The following JCAD variants were observed in gnomAD, a reference collection of about 807,000 sequenced individuals.
JCAD encodes the protein junctional cadherin 5-associated protein.
Under a neutral mutation model 98.0 loss-of-function variants are expected in JCAD, and 40 were observed. That is an observed-to-expected ratio of 0.41 (90% CI 0.32 to 0.53). The LOEUF (loss-of-function observed/expected upper bound fraction) is 0.53, where lower values mean the gene tolerates loss of function less well. Ranked by LOEUF, JCAD falls within the 20% of genes least tolerant of loss-of-function variation. The probability of loss-of-function intolerance (pLI) is 0.31; values close to 1 mark genes in which losing one functional copy is unlikely to be tolerated. For missense variants in JCAD, 1,705 were observed against 1,738.1 expected, an observed-to-expected ratio of 0.98 and a Z score of 0.34; for synonymous variants, 691 against 682.3, an observed-to-expected ratio of 1.01 and a Z score of -0.20.
intron 2 of JCAD, among the ~76,000 whole-genome samples, chr10:30,066,414 GT>G (rs1837785295): frequency 1.3e-5 from 2 of 152,268 alleles, no homozygotes; most frequent in South Asian, 4.2e-4. Context: ...TACACTCACC[GT>G]AGCAAAGAGC....
intron 1 of JCAD, among the ~76,000 whole-genome samples, chr10:30,076,475 T>G (rs1043485295): frequency 6.6e-6 from 1 of 152,204 alleles, no homozygotes; most frequent in African/African-American, 2.4e-5. Context: ...CATTGTCTTT[T>G]TTTCTCTTAT....
chr10:30,048,571 C>G (rs1469701695), intron 1 of JCAD, among the ~76,000 whole-genome samples: 1 of 147,092 alleles, frequency 6.8e-6, no homozygotes, highest in African/African-American at 2.5e-5. Context: ...TTATGAAAGT[C>G]TTTTTTTTTT....
chr10:30,045,020 G>A (rs1439461053), intron 2 of JCAD, among the ~76,000 whole-genome samples: 5 of 152,146 alleles, frequency 3.3e-5, no homozygotes, highest in Non-Finnish European at 7.3e-5. Flanking sequence ...CAAGAGGCCA[G>A]ATCTGTCGAG....
chr10:30,085,066 A>G (rs1223896888), intron 1 of JCAD, among the ~76,000 whole-genome samples: 2 of 152,236 alleles, frequency 1.3e-5, no homozygotes, highest in Non-Finnish European at 2.9e-5. Flanking sequence ...AGCAGTAGGT[A>G]TCCTGATATT....
intron 3 of JCAD, among the ~76,000 whole-genome samples, chr10:30,023,448 A>ATAGGC (rs1226199029): frequency 6.6e-6 from 1 of 152,232 alleles, no homozygotes; most frequent in African/African-American, 2.4e-5. Context: ...CCTGGGACCA[A>ATAGGC]TAGGCTCTAC....
chr10:30,113,004 A>T (rs1212635568), intron 1 of JCAD, among the ~76,000 whole-genome samples: 1 of 152,182 alleles, frequency 6.6e-6, no homozygotes, highest in African/African-American at 2.4e-5. Context: ...AATGCTCTAG[A>T]TCTAGACAGT....
At chr10:30,047,472 C>T in intron 2 of JCAD, 60 bp downstream of exon 2, 1 of 1,550,594 alleles carries the variant, frequency 6.4e-7, no homozygotes, top group Non-Finnish European at 8.7e-7. Context: ...TTTACCTACA[C>T]ATCACCCACC....
intron 1 of JCAD, among the ~76,000 whole-genome samples, chr10:30,099,254 C>G (rs1838429729): frequency 1.3e-5 from 2 of 152,256 alleles, no homozygotes; most frequent in East Asian, 3.9e-4. Context: ...TAATTATTTC[C>G]AAAGCCTTCA....
chr10:30,054,425 T>C (rs192269120), intron 1 of JCAD, among the ~76,000 whole-genome samples: 23 of 152,096 alleles, frequency 1.5e-4, no homozygotes, highest in Admixed American at 1.5e-3. Flanking sequence ...ATATTGGCAA[T>C]TTCATATACT....
chr10:30,085,556 G>A (rs549763577), intron 1 of JCAD, among the ~76,000 whole-genome samples: 6 of 152,308 alleles, frequency 3.9e-5, no homozygotes, highest in African/African-American at 9.6e-5. Context: ...ATGCCCTTAC[G>A]TGATGGGATG....
chr10:30,104,338 A>C (rs982080818), intron 1 of JCAD, among the ~76,000 whole-genome samples: 1 of 152,214 alleles, frequency 6.6e-6, no homozygotes, highest in African/African-American at 2.4e-5. Flanking sequence ...GGTGCCCATC[A>C]ACAGTGGATT....
chr10:30,112,816 G>A (rs774816603), intron 1 of JCAD, among the ~76,000 whole-genome samples: 4 of 147,998 alleles, frequency 2.7e-5, no homozygotes, highest in Non-Finnish European at 4.4e-5. Flanking sequence ...AGGTTGCAGT[G>A]AGCCAAGATT....
At chr10:30,077,435 C>A (rs1203317994) in intron 1 of JCAD, among the ~76,000 whole-genome samples, 1 of 152,136 alleles carries the variant, frequency 6.6e-6, no homozygotes, top group Non-Finnish European at 1.5e-5. Flanking sequence ...TACCACCATG[C>A]CTGACCTTTC....
At chr10:30,075,866 G>A (rs535729092) in intron 1 of JCAD, among the ~76,000 whole-genome samples, 98 of 152,288 alleles carry the variant, frequency 6.4e-4, no homozygotes, top group Admixed American at 1.6e-3. Flanking sequence ...GGTCTACTCC[G>A]TTTGCTTGAC....
At chr10:30,037,933 T>TGAAAAAAA (rs1837149980) in intron 2 of JCAD, among the ~76,000 whole-genome samples, 1 of 51,690 alleles carries the variant, frequency 1.9e-5, no homozygotes, top group African/African-American at 1.1e-4. Flanking sequence ...AATGGAAAAA[T>TGAAAAAAA]TAAAAAAAAA....
intron 2 of JCAD, 50 bp from the exon 3 acceptor site, chr10:30,029,916 A>T (rs1589683334): frequency 3.3e-6 from 5 of 1,535,766 alleles, no homozygotes; most frequent in Non-Finnish European, 4.4e-6. Context: ...ACATGTCTTC[A>T]TCTGCTTCTG....
At chr10:30,042,563 G>A (rs1837262595) in intron 2 of JCAD, among the ~76,000 whole-genome samples, 1 of 150,536 alleles carries the variant, frequency 6.6e-6, no homozygotes, top group Non-Finnish European at 1.5e-5. Context: ...AGCTGTCAGG[G>A]AAGGGAAGAG....
rs892904401 is a variant in JCAD, at chr10:30,092,281, G to T, written n.129-22460C>A. On this transcript the variant is annotated intron_variant and non_coding_transcript_variant, in intron 1 of 2. Transcript: ENST00000465712. ...GGAAGGGGAGGAGTTTGTCCAGTGA[G>T]TCGCTGTGCACCGGGACCCAGGGAA... Among the ~76,000 whole-genome samples, 3 of 151,098 alleles carry T rather than the reference G, an allele frequency of 2.0e-5. No individual in the cohort carries two copies. In the East Asian group the frequency reaches 5.9e-4, roughly 30 times the overall value.
Position 30,028,802 on chromosome 10 carries a change from T to C in JCAD, c.1346A>G (p.Asp449Gly). ...AGGACTGGAGTTATATGATTTATCG[T>C]CAAGCTTTATGTCTTCACAGAAACC... ...PQGFCEDIKL[D>G]DKSYNSSPVT... The change falls in exon 3 of 4, where the codon GAC becomes GGC. Residue 449 changes from aspartate to glycine, a missense_variant. By Grantham distance (94) the Asp-to-Gly change is moderately conservative. Coordinates refer to ENST00000375377, the MANE Select transcript of JCAD (RefSeq NM_020848.4). The C allele has an allele frequency of 6.2e-7, 1 of 1,614,246 alleles. No homozygotes were observed. Among genetic ancestry groups the C allele is most frequent in the Non-Finnish European group, 8.5e-7 (1 of 1,180,058 alleles).
Sources: gnomAD v4.1 joint callset for allele counts (sites outside exome capture counted in the v4.1 genomes callset) on GRCh38, gnomAD v4.1.1 for gene constraint, MANE v1.5 for transcripts, NCBI Gene and HGNC (gene_info 2026-07-23, HGNC 2026-07-21) for gene names.